ASIC3: variants seen among roughly 807,000 people sequenced by gnomAD.
ASIC3 encodes the protein acid sensing ion channel subunit 3.
A neutral mutation model predicts 58.6 loss-of-function variants in ASIC3; 46 were observed. That is an observed-to-expected ratio of 0.79 (90% CI 0.62 to 1.00). The LOEUF (loss-of-function observed/expected upper bound fraction) is 1.00, where lower values mean the gene tolerates loss of function less well. Among genes scored for constraint, ASIC3 ranks in the 50% least tolerant of loss-of-function variants. The probability of loss-of-function intolerance (pLI) is 0.00; values close to 1 mark genes in which losing one functional copy is unlikely to be tolerated. For synonymous variants in ASIC3, 336 were observed against 300.2 expected, an observed-to-expected ratio of 1.12 and a Z score of -1.23; for missense variants, 770 against 735.0, an observed-to-expected ratio of 1.05 and a Z score of -0.55.
Position 151,052,200 on chromosome 7 carries a change from A to C in ASIC3, c.1421A>C (p.Asn474Thr). 6.2e-7 allele frequency: 1 copy of C among 1,614,060 alleles called. No individual in the cohort carries two copies. Among genetic ancestry groups the C allele is most frequent in the East Asian group, 2.2e-5 (1 of 44,868 alleles). The change falls in exon 9 of 11, where the codon AAC (asparagine) becomes ACC (threonine). Residue 474 changes from asparagine to threonine, a missense_variant. By Grantham distance (65) the Asn-to-Thr change is moderately conservative. Transcript: ENST00000349064. This position sits in a 1 kb window ranked among gnomAD's most constrained non-coding sequence, Gnocchi z 5.0. ...FRDKVLGYFW[N>T]RQHSQRHSST... ...GACAAGGTCCTGGGATATTTCTGGAACCGACAGCACTCCCAAAGGCACTCC... is the reference window on the plus strand; with the variant it reads ...GACAAGGTCCTGGGATATTTCTGGACCCGACAGCACTCCCAAAGGCACTCC...
At position 151,049,080 on chromosome 7, in the gene ASIC3, C is replaced by T; in HGVS notation, c.195C>T (p.Arg65=). The change falls in exon 1 of 11, where the codon CGC becomes CGT. Residue 65 remains arginine, a synonymous_variant. Coordinates refer to ENST00000349064, the MANE Select transcript of ASIC3 (RefSeq NM_004769.4). ...TCTACCAGGTGGCTGAGAGGGTGCG[C>T]TACTACAGGGAGTTCCACCACCAGA... ...TFLYQVAERV[R]YYREFHHQTA... 6.2e-7 allele frequency: 1 copy of T among 1,613,884 alleles called. No homozygotes were observed. Among genetic ancestry groups the T allele is most frequent in the South Asian group, 1.1e-5 (1 of 91,088 alleles).
In ASIC3 at chr7:151,051,886, A is replaced by T; in HGVS notation, c.1291A>T (p.Met431Leu). ...ETVEQKKAYE[M>L]SELLGDIGGQ... ...CGTGGAGCAGAAGAAGGCCTATGAGATGTCAGAGCTGCTTGGTGTGTGTGC... is the reference window on the plus strand; with the variant it reads ...CGTGGAGCAGAAGAAGGCCTATGAGTTGTCAGAGCTGCTTGGTGTGTGTGC... Residue 431 changes from methionine to leucine, a missense_variant, in exon 7 of 11, where the codon ATG (methionine) becomes TTG (leucine). Physicochemically the swap from Met to Leu is conservative, Grantham distance 15. Transcript: ENST00000349064. 6.2e-7 allele frequency: 1 copy of T among 1,613,436 alleles called. No homozygotes were observed. The highest frequency in any genetic ancestry group is 8.5e-7 in the Non-Finnish European group (1 of 1,179,848).
intron 3 of ASIC3, 31 bp from the exon 4 acceptor site, chr7:151,050,727 G>A (rs769888171): frequency 3.6e-5 from 58 of 1,609,260 alleles, no homozygotes; most frequent in African/African-American, 1.1e-4. Flanking sequence ...CACGCTCTCC[G>A]GGAAGCCTCC....
chr7:151,048,427 C>G (rs1796677417), upstream of ASIC3: 1 of 168,424 alleles, frequency 5.9e-6, no homozygotes, highest in South Asian at 1.9e-4. Context: ...AGCCATGCCC[C>G]CCTCCATGCT....
chr7:151,050,174 T>C lies in ASIC3; in HGVS notation c.603T>C (p.Thr201=). The C allele has an allele frequency of 6.2e-7, 1 of 1,614,082 alleles. No individual in the cohort carries two copies. Among genetic ancestry groups the C allele is most frequent in the African/African-American group, 1.3e-5 (1 of 75,008 alleles). The part of the protein sequence containing the change: ...SGADGAELLT[T]TRGGMGNGLD... ...CTGATGGGGCAGAGCTGCTCACCAC[T>C]ACTAGGGGTGGCATGGGCAATGGGC... The change falls in exon 2 of 11, where the codon ACT becomes ACC. Residue 201 remains threonine, a synonymous_variant. Transcript: ENST00000349064.
At position 151,050,556 on chromosome 7, in the gene ASIC3, G is replaced by A. The variant is rs536801721; in HGVS notation, c.761G>A (p.Gly254Asp). 6.2e-7 allele frequency: 1 copy of A among 1,613,942 alleles called. No individual in the cohort carries two copies. Among genetic ancestry groups the A allele is most frequent in the Non-Finnish European group, 8.5e-7 (1 of 1,179,988 alleles). Residue 254 changes from glycine (G) to aspartate (D), a missense_variant, in exon 3 of 11, where the codon GGC (glycine) becomes GAC (aspartate). Physicochemically the swap from Gly to Asp is moderately conservative, Grantham distance 94 (BLOSUM62 -1). Transcript: ENST00000349064. ...GAGCCGCCCATCATCGATCAGCTGG[G>A]CTTGGGGGTGTCCCCGGGCTACCAG... ...QEEPPIIDQLGLGVSPGYQTF... is the reference protein window; with the variant it reads ...QEEPPIIDQLDLGVSPGYQTF...
rs769444157 is a variant in ASIC3 at position 151,051,153 on chromosome 7, G to T, written c.1067-19G>T. The T allele has an allele frequency of 6.3e-7, 1 of 1,596,396 alleles. No homozygotes were observed. Among genetic ancestry groups the T allele is most frequent in the Non-Finnish European group, 8.5e-7 (1 of 1,175,586 alleles). On this transcript the variant is annotated intron_variant, in intron 5 of 10. Transcript: ENST00000349064. ...CCCGCTCCGCCCGCGGGCGTCTGAC[G>T]CGGCCCGGTGGCCCGCAGATGCCAT...
Position 151,050,254 on chromosome 7 carries a change from A to T in ASIC3, c.683A>T (p.Asn228Ile). 6.2e-7 allele frequency: 1 copy of T among 1,611,878 alleles called. No individual in the cohort carries two copies. The highest frequency in any genetic ancestry group is 8.5e-7 in the Non-Finnish European group (1 of 1,178,308). Reference sequence around the variant, plus strand: ...GAATATCTACCTGTGTGGAGGGACAATGGTAGGGAGCACACAAATGAGGCT... The same window carrying T: ...GAATATCTACCTGTGTGGAGGGACATTGGTAGGGAGCACACAAATGAGGCT... ...QEEYLPVWRD[N>I]EETPFEVGIR... Residue 228 changes from asparagine to isoleucine, a missense_variant and splice_region_variant, in exon 2 of 11, where the codon AAT (asparagine) becomes ATT (isoleucine). Transcript: ENST00000349064.
At position 151,052,528 on chromosome 7, in the gene ASIC3, A is replaced by C; in HGVS notation, c.1518-46A>C. The stretch of plus-strand genomic sequence containing the variant: ...GGGAGGGCAGGGGCAGGCTCAGGAC[A>C]GTGGGTGTGCCCGTTCCCACCCCAG... On this transcript the variant is annotated intron_variant, in intron 10 of 10. Coordinates refer to ENST00000349064, the MANE Select transcript of ASIC3 (RefSeq NM_004769.4). This position sits in a 1 kb window ranked among gnomAD's most constrained non-coding sequence, Gnocchi z 5.0. 1 of 1,613,746 alleles carries C rather than the reference A, an allele frequency of 6.2e-7. No individual in the cohort carries two copies.
In ASIC3 at chr7:151,049,036, C is replaced by T; in HGVS notation, c.151C>T (p.Leu51=). 1.2e-6 allele frequency: 2 copies of T among 1,613,746 alleles called. No individual in the cohort carries two copies. Among genetic ancestry groups the T allele is most frequent in the Non-Finnish European group, 8.5e-7 (1 of 1,179,888 alleles). The change falls in exon 1 of 11, where the codon CTG becomes TTG. Residue 51 remains leucine (L), a synonymous_variant. Transcript: ENST00000349064. ...GGGGATGTGGGCAGCGGCCGTGGTC[C>T]TGTCAGTGGCCACCTTCCTCTACCA... ...RRGMWAAAVV[L]SVATFLYQVA...
At chr7:151,050,316 AAGGAGAGG>A in intron 2 of ASIC3, 60 bp downstream of exon 2, 13 of 1,584,066 alleles carry the variant, frequency 8.2e-6, no homozygotes, top group South Asian at 3.5e-5. Context: ...AGGCTAGGGG[AAGGAGAGG>A]AGGAGAGGAG....
At chr7:151,051,713 G>A (rs1796785322) in intron 6 of ASIC3, 97 bp from the exon 7 acceptor site, 1 of 1,298,014 alleles carries the variant, frequency 7.7e-7, no homozygotes, top group African/African-American at 1.4e-5. Context: ...CCTCTCCCAG[G>A]GTTCTTGAAA....
At position 151,048,772 on chromosome 7, in the gene ASIC3, TCTC is replaced by T. The variant is rs558495765; in HGVS notation, c.-110_-108del. On this transcript the variant is annotated 5_prime_UTR_variant, in exon 1 of 11. Coordinates refer to ENST00000349064, the MANE Select transcript of ASIC3 (RefSeq NM_004769.4). ...ACCTTGGCTGTCTCCCACCCTCTCT[TCTC>T]CTCTCCTTGCCTGGCCTCCTGAATC... 8.6e-4 allele frequency: 1,153 copies of T among 1,335,526 alleles called. 6 individuals are homozygous for T. The African/African-American group carries it at 0.013, about 15-fold the overall frequency. The allele number at this position is 1,335,526 out of a possible 1,614,324, so 82.7% of individuals were successfully genotyped here. A position where few individuals can be genotyped will look rare whatever the true frequency, so the allele number is the denominator to read the frequency against.
At position 151,050,626 on chromosome 7, in the gene ASIC3, T is replaced by C; in HGVS notation, c.813+18T>C. On this transcript the variant is annotated intron_variant, in intron 3 of 10. Transcript: ENST00000349064. ...AGCAGCAGGTACCCTTCCGTGTGCC[T>C]CCACACCTACTACTTCAAGCCCACA... 1.9e-6 allele frequency: 3 copies of C among 1,613,664 alleles called. No homozygotes were observed. The highest frequency in any genetic ancestry group is 2.5e-6 in the Non-Finnish European group (3 of 1,179,758).
Position 151,052,667 on chromosome 7 carries a change from T to A in ASIC3, c.*15T>A. ...CACAGCTCTAGACCTGCTGTCTGTGTCCTCGGAGCCCCGCCCTGACATCCT... is the reference window on the plus strand; with the variant it reads ...CACAGCTCTAGACCTGCTGTCTGTGACCTCGGAGCCCCGCCCTGACATCCT... On this transcript the variant is annotated 3_prime_UTR_variant, in exon 11 of 11. Coordinates refer to ENST00000349064, the MANE Select transcript of ASIC3 (RefSeq NM_004769.4). This position sits in a 1 kb window ranked among gnomAD's most constrained non-coding sequence, Gnocchi z 5.0. 3.7e-6 allele frequency: 6 copies of A among 1,614,126 alleles called. No individual in the cohort carries two copies. Among genetic ancestry groups the A allele is most frequent in the Non-Finnish European group, 5.1e-6 (6 of 1,180,002 alleles).
Position 151,049,516 on chromosome 7 carries a change from A to G in ASIC3, c.534+97A>G. On this transcript the variant is annotated intron_variant, in intron 1 of 10. Coordinates refer to ENST00000349064, the MANE Select transcript of ASIC3 (RefSeq NM_004769.4). ...TCCCTAGCCAGCACAGGCTCCCCCAAAGCCAGGGGACCTCTTCCTTCCTAC... is the reference window on the plus strand; with the variant it reads ...TCCCTAGCCAGCACAGGCTCCCCCAGAGCCAGGGGACCTCTTCCTTCCTAC... 6 of 1,395,170 alleles carry G rather than the reference A, an allele frequency of 4.3e-6. No individual in the cohort carries two copies. The South Asian group carries it at 6.9e-5, about 16-fold the overall frequency. 86.4% of individuals were successfully genotyped at this position (1,395,170 alleles called of 1,614,324 possible). A position where few individuals can be genotyped will look rare whatever the true frequency, so the allele number is the denominator to read the frequency against.
chr7:151,049,265 G>A lies in ASIC3; in HGVS notation c.380G>A (p.Arg127His), dbSNP rs145775749. ...CCCGCAGAGCACGCCGCCTTCCTGC[G>A]CGCCCTGGGCCGGCCCCCTGCACCG... ...LDPAEHAAFL[R>H]ALGRPPAPPG... Residue 127 changes from arginine (R) to histidine (H), a missense_variant, in exon 1 of 11, where the codon CGC becomes CAC. Coordinates refer to ENST00000349064, the MANE Select transcript of ASIC3 (RefSeq NM_004769.4). The A allele has an allele frequency of 9.0e-4, 1,448 of 1,612,082 alleles. 22 individuals carry two copies. The highest frequency in any genetic ancestry group is 4.7e-4 in the African/African-American group (35 of 75,032).
chr7:151,050,299 G>A (rs1310473902), intron 2 of ASIC3, 43 bp downstream of exon 2: 1 of 1,594,500 alleles, frequency 6.3e-7, no homozygotes, highest in Admixed American at 1.7e-5. Context: ...CACGGATGGA[G>A]TGCAAAAGGC....
intron 2 of ASIC3, 63 bp downstream of exon 2, chr7:151,050,319 G>A: frequency 6.3e-7 from 1 of 1,576,314 alleles, no homozygotes; most frequent in South Asian, 1.2e-5. Context: ...CTAGGGGAAG[G>A]AGAGGAGGAG....
Sources: allele counts gnomAD v4.1 joint callset, GRCh38; gene constraint gnomAD v4.1.1; non-coding constraint Gnocchi (gnomAD v3.1); transcripts MANE v1.5; gene names NCBI Gene and HGNC (gene_info 2026-07-23, HGNC 2026-07-21).